GTF3C3: variants seen among roughly 807,000 people sequenced by gnomAD.
The protein encoded by GTF3C3 is general transcription factor IIIC subunit 3.
Under a neutral mutation model 105.2 loss-of-function variants are expected in GTF3C3, and 75 were observed. The ratio of observed to expected loss-of-function variants is 0.71; its 90% CI spans 0.59 to 0.86. The LOEUF is 0.86. Ranked by LOEUF, GTF3C3 falls within the 40% of genes least tolerant of loss-of-function variation. The pLI, the probability that GTF3C3 is intolerant of heterozygous loss-of-function variation, is 0.00. For synonymous variants in GTF3C3, 335 were observed against 370.4 expected (o/e 0.90, Z 1.10); for missense variants, 856 against 1,076.5 (o/e 0.80, Z 2.87).
At chr2:196,795,028 A>AT (rs1037507103) in intron 2 of GTF3C3, among the ~76,000 whole-genome samples, 10 of 145,852 alleles carry the variant, frequency 6.9e-5, no homozygotes, top group African/African-American at 2.3e-4. Flanking sequence ...CATGCCCAGC[A>AT]TTTTTTTTGT....
rs576639768 is a variant in GTF3C3 at position 196,793,985 on chromosome 2, G to A, written c.215-833C>T. On this transcript the variant is annotated intron_variant, in intron 2 of 17. Coordinates refer to ENST00000263956, the MANE Select transcript of GTF3C3 (RefSeq NM_012086.5). ...TATGGAAATTTAATCCCCAATGTGC[G>A]AATATTGAGAGGTCTTTAAGAGGGG... Among the ~76,000 whole-genome samples, 28 of 152,246 alleles carry A rather than the reference G, an allele frequency of 1.8e-4. 1 individual carries two copies. The East Asian group carries it at 2.5e-3, about 14-fold the overall frequency.
rs143599816 is a variant in GTF3C3, at chr2:196,764,591, G to A, written c.2633C>T (p.Thr878Met). The stretch of plus-strand genomic sequence containing the variant: ...TATAGAACAATAGGTATACAAAAGC[G>A]TTTGAGCCATTCCGGTATTCCCACT... The part of the protein sequence containing the change: ...QSSGNTGMAQ[T>M]LLYTYCSI The change falls in exon 18 of 18, where the codon ACG becomes ATG. Residue 878 changes from threonine (T) to methionine (M), a missense_variant. Coordinates refer to ENST00000263956, the MANE Select transcript of GTF3C3 (RefSeq NM_012086.5). 8 of 1,613,722 alleles carry A rather than the reference G, an allele frequency of 5.0e-6. No homozygotes were observed. Among genetic ancestry groups the A allele is most frequent in the African/African-American group, 2.7e-5 (2 of 74,900 alleles).
rs199706533 is a variant in GTF3C3 at position 196,764,521 on chromosome 2, T to G, written c.*42A>C. On this transcript the variant is annotated 3_prime_UTR_variant, in exon 18 of 18. Transcript: ENST00000263956. ...GCCCTGAGACAGAAGACACTGGTCC[T>G]CACACAGCAGCTGCCATTGCTCTGT... 46 of 1,578,442 alleles carry G rather than the reference T, an allele frequency of 2.9e-5. No individual in the cohort carries two copies. Among genetic ancestry groups the G allele is most frequent in the Non-Finnish European group, 3.9e-5 (45 of 1,157,312 alleles).
At chr2:196,795,052 G>T (rs1478763344) in intron 2 of GTF3C3, among the ~76,000 whole-genome samples, 1 of 146,266 alleles carries the variant, frequency 6.8e-6, no homozygotes, top group African/African-American at 2.5e-5. Context: ...GTTTTGTTTT[G>T]TTTTTTTTAG....
At chr2:196,781,357 A>ATATCTATATATATATATAT (rs1553578902) in intron 8 of GTF3C3, among the ~76,000 whole-genome samples, 1 of 18,812 alleles carries the variant, frequency 5.3e-5, no homozygotes, top group Non-Finnish European at 1.5e-4. Flanking sequence ...AAAAAAAAAA[A>ATATCTATATATATATATAT]ATATATATAT....
intron 8 of GTF3C3, among the ~76,000 whole-genome samples, chr2:196,781,234 A>C (rs1699344253): frequency 6.6e-6 from 1 of 150,500 alleles, no homozygotes; most frequent in African/African-American, 2.4e-5. Context: ...TCAAGAATTA[A>C]ATAACTATCT....
intron 1 of GTF3C3, 185 bp downstream of exon 1, chr2:196,799,324 GA>G (rs1253182325): frequency 1.9e-6 from 1 of 533,426 alleles, no homozygotes; most frequent in Non-Finnish European, 3.3e-6. Flanking sequence ...TTCGGTGGGG[GA>G]AAACGTTTTA....
At chr2:196,795,615 A>G (rs1294983572) in intron 2 of GTF3C3, among the ~76,000 whole-genome samples, 1 of 152,228 alleles carries the variant, frequency 6.6e-6, no homozygotes, top group Non-Finnish European at 1.5e-5. Flanking sequence ...TTCAATACCC[A>G]TTCCTAATAA....
Position 196,793,160 on chromosome 2 carries a change from AAG to A in GTF3C3, c.215-10_215-9del. Reference sequence around the variant, plus strand: ...CTCCATCTGATGTTTCTCCTGAGAAAAGAGACATTGATGGGGGAGGGGTGGGG... The same window carrying A: ...CTCCATCTGATGTTTCTCCTGAGAAAAGACATTGATGGGGGAGGGGTGGGG... On this transcript the variant is annotated splice_polypyrimidine_tract_variant and intron_variant, in intron 2 of 17. Coordinates refer to ENST00000263956, the MANE Select transcript of GTF3C3 (RefSeq NM_012086.5). The A allele has an allele frequency of 1.3e-6, 2 of 1,582,446 alleles. No homozygotes were observed. Among genetic ancestry groups the A allele is most frequent in the Non-Finnish European group, 1.7e-6 (2 of 1,158,994 alleles).
chr2:196,775,447 C>T (rs1699244329), intron 12 of GTF3C3, among the ~76,000 whole-genome samples, 196 bp from the exon 13 acceptor site: 1 of 152,082 alleles, frequency 6.6e-6, no homozygotes, highest in Non-Finnish European at 1.5e-5. Context: ...TAAAGAAAAC[C>T]TATGGGTCAC....
chr2:196,768,937 C>T (rs1270811095), intron 16 of GTF3C3, among the ~76,000 whole-genome samples: 2 of 152,130 alleles, frequency 1.3e-5, no homozygotes, highest in East Asian at 3.8e-4. Context: ...ACTGCTACGT[C>T]CCCGATTCCT....
At chr2:196,765,470 A>G (rs1172120583) in intron 17 of GTF3C3, among the ~76,000 whole-genome samples, 1 of 151,866 alleles carries the variant, frequency 6.6e-6, no homozygotes, top group African/African-American at 2.4e-5. Context: ...ACAGGACTAT[A>G]GTATTAAATG....
chr2:196,768,683 A>G (rs941164087), intron 16 of GTF3C3, among the ~76,000 whole-genome samples: 3 of 152,136 alleles, frequency 2.0e-5, no homozygotes, highest in South Asian at 2.1e-4. Context: ...GATTAGTCCA[A>G]TGAACTTCCA....
intron 2 of GTF3C3, among the ~76,000 whole-genome samples, chr2:196,796,030 G>A (rs1346315675): frequency 6.6e-6 from 1 of 152,116 alleles, no homozygotes; most frequent in African/African-American, 2.4e-5. Flanking sequence ...GTGTAAGAAC[G>A]GTGTGAACAG....
At chr2:196,793,546 G>A (rs1266796148) in intron 2 of GTF3C3, among the ~76,000 whole-genome samples, 4 of 152,172 alleles carry the variant, frequency 2.6e-5, no homozygotes, top group Admixed American at 6.5e-5. Context: ...AAGCTGCCTG[G>A]TTCCAAACTT....
chr2:196,772,467 G>C (rs181721471), intron 14 of GTF3C3, among the ~76,000 whole-genome samples: 1 of 152,160 alleles, frequency 6.6e-6, no homozygotes, highest in East Asian at 1.9e-4. Context: ...AGAATCGCTT[G>C]AACCTGGGAG....
At chr2:196,778,282 C>T (rs548591297) in intron 10 of GTF3C3, 4 of 152,330 alleles carry the variant, frequency 2.6e-5, no homozygotes, top group Admixed American at 6.5e-5. Flanking sequence ...TCTGCCATCA[C>T]ACAGTATTTG....
chr2:196,784,592 A>G (rs963975736), intron 8 of GTF3C3, among the ~76,000 whole-genome samples: 1 of 152,146 alleles, frequency 6.6e-6, no homozygotes, highest in Non-Finnish European at 1.5e-5. Context: ...TTTTTCCTAA[A>G]AAAAGGAATG....
chr2:196,771,725 A>G, intron 15 of GTF3C3, 23 bp downstream of exon 15: 1 of 1,554,234 alleles, frequency 6.4e-7, no homozygotes, highest in Admixed American at 1.7e-5. Flanking sequence ...ATGCTTGACA[A>G]AGTCACGTGC....
Sources: allele counts gnomAD v4.1 joint callset (sites outside exome capture counted in the v4.1 genomes callset), GRCh38; gene constraint gnomAD v4.1.1; transcripts MANE v1.5; gene names NCBI Gene and HGNC (gene_info 2026-07-23, HGNC 2026-07-21).